GIPR: variants seen among roughly 807,000 people sequenced by gnomAD.
GIPR encodes the protein GIP-R.
A neutral mutation model predicts 62.2 loss-of-function variants in GIPR; 74 were observed. The observed-to-expected ratio is 1.19, with a 90% CI of 0.99 to 1.44. GIPR has a LOEUF of 1.44. GIPR is among the 40% of genes most tolerant of loss of function. The pLI, the probability that GIPR is intolerant of heterozygous loss-of-function variation, is 0.00. For synonymous variants in GIPR, 256 were observed against 262.2 expected, an observed-to-expected ratio of 0.98 and a Z score of 0.23; for missense variants, 664 against 611.8, an observed-to-expected ratio of 1.09 and a Z score of -0.90.
chr19:45,670,572 T>G (rs1600285631), intron 2 of GIPR, 63 bp from the exon 3 acceptor site: 6 of 1,175,134 alleles, frequency 5.1e-6, no homozygotes, highest in Non-Finnish European at 6.3e-6. Flanking sequence ...CTGGGCCACA[T>G]GGACCTAGCA....
At position 45,678,093 on chromosome 19, in the gene GIPR, C is replaced by G. The variant is rs748048663; in HGVS notation, c.1019C>G (p.Ala340Gly). ...CTGCCGCCCTCTCTCCCCAGGCTGG[C>G]TCGCTCCACGCTGACGCTGGTGCCC... is the stretch of plus-strand genomic sequence containing the variant. ...MRCRDYRLRLARSTLTLVPLL... is the reference protein window; with the variant it reads ...MRCRDYRLRLGRSTLTLVPLL... The change falls in exon 12 of 14, where the codon GCT becomes GGT. Residue 340 changes from alanine to glycine, a missense_variant. By Grantham distance (60) the Ala-to-Gly change is moderately conservative (BLOSUM62 0). Coordinates refer to ENST00000590918, the MANE Select transcript of GIPR (RefSeq NM_000164.4). 6.2e-7 allele frequency: 1 copy of G among 1,612,496 alleles called. No homozygotes were observed. Among genetic ancestry groups the G allele is most frequent in the Non-Finnish European group, 8.5e-7 (1 of 1,179,944 alleles).
chr19:45,670,848 G>C, intron 3 of GIPR, 114 bp downstream of exon 3: 1 of 682,096 alleles, frequency 1.5e-6, no homozygotes, highest in Non-Finnish European at 2.5e-6. Flanking sequence ...GTGGGCTGGA[G>C]AGGCCCGGGG....
Position 45,671,157 on chromosome 19 carries a change from C to T in GIPR, c.173-128C>T, listed in dbSNP as rs1006718584. On this transcript the variant is annotated intron_variant, in intron 3 of 13. Transcript: ENST00000590918. ...CCCTCCGAGTGGGCGGGGCTAGAGC[C>T]GGGCTTGGTGTGGCCGGCGGAGAAG... The T allele has an allele frequency of 4.0e-5, 29 of 720,194 alleles. 1 individual carries two copies. The highest frequency in any genetic ancestry group is 3.9e-4 in the South Asian group (27 of 69,936). 44.6% of individuals were successfully genotyped at this position (720,194 alleles called of 1,614,324 possible).
Position 45,669,527 on chromosome 19 carries a change from A to G in GIPR, c.7A>G (p.Thr3Ala), listed in dbSNP as rs1160504181. Residue 3 changes from threonine to alanine, a missense_variant, in exon 2 of 14, where the codon ACC (threonine) becomes GCC (alanine). Physicochemically the swap from Thr to Ala is moderately conservative, Grantham distance 58 (BLOSUM62 0). Transcript: ENST00000590918. ...ACCCTTCGCCGCCCTCACGATGACT[A>G]CCTCTCCGATCCTGCAGCTGCTGCT... Reference protein sequence around the residue: MTTSPILQLLLRL... With the variant: MTASPILQLLLRL... 2 of 1,574,680 alleles carry G rather than the reference A, an allele frequency of 1.3e-6. No homozygotes were observed. Among genetic ancestry groups the G allele is most frequent in the East Asian group, 2.3e-5 (1 of 43,420 alleles).
rs764108256 is a variant in GIPR, at chr19:45,681,806, G to A, written c.1272G>A (p.Pro424=). Residue 424 remains proline, a synonymous_variant, in exon 14 of 14, where the codon CCG becomes CCA. Coordinates refer to ENST00000590918, the MANE Select transcript of GIPR (RefSeq NM_000164.4). ...TGGGCGAGGAGCAACGCCAGCTCCC[G>A]GAGCGCGCCTTCCGGGCCCTGCCCT... is the stretch of plus-strand genomic sequence containing the variant. ...RSLGEEQRQL[P]ERAFRALPSG... 5.7e-6 allele frequency: 9 copies of A among 1,573,056 alleles called. No homozygotes were observed. The highest frequency in any genetic ancestry group is 7.8e-6 in the Non-Finnish European group (9 of 1,159,112).
chr19:45,681,406 A>G (rs1967213830), intron 12 of GIPR, among the ~76,000 whole-genome samples, 198 bp from the exon 13 acceptor site: 1 of 152,156 alleles, frequency 6.6e-6, no homozygotes, highest in Non-Finnish European at 1.5e-5. Flanking sequence ...GAAGCAGGAT[A>G]ATCACTTGAA....
intron 12 of GIPR, chr19:45,678,492 T>G: frequency 1.2e-5 from 6 of 508,152 alleles, no homozygotes; most frequent in East Asian, 3.7e-5. Context: ...GCCTCTAGAG[T>G]AGCTGGGATT....
At position 45,678,238 on chromosome 19, in the gene GIPR, G is replaced by A; in HGVS notation, c.1152+12G>A. ...TCAGCTCCTTCCAGGTGCTCAGGCA[G>A]GGTGCAGGGGCTCCATCCTTCCACC... On this transcript the variant is annotated intron_variant, in intron 12 of 13. Coordinates refer to ENST00000590918, the MANE Select transcript of GIPR (RefSeq NM_000164.4). 6.4e-7 allele frequency: 1 copy of A among 1,551,780 alleles called. No individual in the cohort carries two copies. The highest frequency in any genetic ancestry group is 8.7e-7 in the Non-Finnish European group (1 of 1,149,616).
rs752479152 is a variant in GIPR, at chr19:45,681,589, GCCT to G, written c.1153-10_1153-8del. The G allele has an allele frequency of 1.2e-6, 2 of 1,613,062 alleles. No homozygotes were observed. The highest frequency in any genetic ancestry group is 3.3e-5 in the Admixed American group (2 of 60,026). ...CCCCCACCAGCGATGTAACCTCCGC[GCCT>G]CCTCTGGGCAGGGCTTCCTGGTCAG... On this transcript the variant is annotated splice_polypyrimidine_tract_variant and intron_variant, in intron 12 of 13. Transcript: ENST00000590918.
rs146657291 is a variant in GIPR, at chr19:45,672,852, G to A, written c.282G>A (p.Val94=). The A allele has an allele frequency of 3.1e-6, 5 of 1,599,152 alleles. No individual in the cohort carries two copies. Among genetic ancestry groups the A allele is most frequent in the Middle Eastern group, 1.6e-4 (1 of 6,064 alleles). The change falls in exon 5 of 14, where the codon GTG becomes GTA. Residue 94 remains valine (V), a splice_region_variant and synonymous_variant. Coordinates refer to ENST00000590918, the MANE Select transcript of GIPR (RefSeq NM_000164.4). ...ATTCCCTCTCTTCTTTCCCCACAGT[G>A]GCTGCAGGTTTCGTCCTCCGCCAGT... The part of the protein sequence containing the change: ...CPWYLPWHHH[V]AAGFVLRQCG...
chr19:45,675,400 C>G (rs1373626212), intron 7 of GIPR: 2 of 154,174 alleles, frequency 1.3e-5, no homozygotes, highest in Non-Finnish European at 2.9e-5. Context: ...TATGGTGAAA[C>G]CCTGTCTCTA....
At chr19:45,677,662 G>A in intron 9 of GIPR, 48 bp from the exon 10 acceptor site, 1 of 1,433,754 alleles carries the variant, frequency 7.0e-7, no homozygotes, top group South Asian at 1.1e-5. Flanking sequence ...TTGGTGATCG[G>A]TGAGTCTAGA....
chr19:45,672,938 A>G lies in GIPR; in HGVS notation c.368A>G (p.Lys123Arg), dbSNP rs781605844. The change falls in exon 5 of 14, where the codon AAG becomes AGG. Residue 123 changes from lysine to arginine, a missense_variant. Lys to Arg is a conservative substitution (Grantham distance 26). Transcript: ENST00000590918. ...CATACACAATGTGAGAACCCAGAGA[A>G]GAATGAGGCCTTTCTGGTAAGAAGA... ...RDHTQCENPE[K>R]NEAFLDQRLI... 1 of 1,597,804 alleles carries G rather than the reference A, an allele frequency of 6.3e-7. No homozygotes were observed. The highest frequency in any genetic ancestry group is 1.1e-5 in the South Asian group (1 of 90,820).
At chr19:45,674,958 T>A (rs998995912) in intron 7 of GIPR, 132 bp downstream of exon 7, 3 of 901,430 alleles carry the variant, frequency 3.3e-6, no homozygotes, top group Admixed American at 1.8e-5. Context: ...TCTCCAAATG[T>A]GTCTTGGGGT....
chr19:45,675,016 G>GC, intron 7 of GIPR, 190 bp downstream of exon 7: 1 of 660,768 alleles, frequency 1.5e-6, no homozygotes, highest in Non-Finnish European at 2.8e-6. Context: ...CTCGGCCTCT[G>GC]CCATCATTTA....
chr19:45,677,168 G>A (rs1966982874), intron 8 of GIPR, 60 bp downstream of exon 8: 1 of 1,565,444 alleles, frequency 6.4e-7, no homozygotes, highest in South Asian at 1.1e-5. Flanking sequence ...TCCCCCAACT[G>A]CCCTGCTGGT....
chr19:45,673,656 G>A (rs929416407), intron 5 of GIPR, among the ~76,000 whole-genome samples: 3 of 151,848 alleles, frequency 2.0e-5, no homozygotes, highest in Admixed American at 6.6e-5. Flanking sequence ...ACGAGGTCAA[G>A]AGATTGAGAC....
chr19:45,675,885 G>C (rs1975824046), intron 7 of GIPR, among the ~76,000 whole-genome samples: 1 of 150,946 alleles, frequency 6.6e-6, no homozygotes, highest in Non-Finnish European at 1.5e-5. Flanking sequence ...TTGAGACCCT[G>C]TTTCAAAAAA....
At chr19:45,675,574 C>CAAAAA (rs35162445) in intron 7 of GIPR, among the ~76,000 whole-genome samples, 11 of 48,622 alleles carry the variant, frequency 2.3e-4, no homozygotes, top group East Asian at 7.3e-4. Flanking sequence ...GACTCCATCG[C>CAAAAA]AAAAAAAAAA....
Sources: allele counts gnomAD v4.1 joint callset (sites outside exome capture counted in the v4.1 genomes callset), GRCh38; gene constraint gnomAD v4.1.1; transcripts MANE v1.5; gene names NCBI Gene and HGNC (gene_info 2026-07-23, HGNC 2026-07-21).